Variants in PTPN4 observed in about 807,000 individuals in gnomAD.
PTPN4 encodes the protein tyrosine-protein phosphatase non-receptor type 4.
PTPN4 carries 49 observed loss-of-function variants against 135.5 expected under a neutral mutation model. The ratio of observed to expected loss-of-function variants is 0.36; its 90% CI spans 0.29 to 0.46. PTPN4 has a LOEUF of 0.46. Ranked by LOEUF, PTPN4 falls within the 20% of genes least tolerant of loss-of-function variation. The pLI is 1.00. For synonymous variants in PTPN4, 333 were observed against 369.9 expected, an observed-to-expected ratio of 0.90 and a Z score of 1.14; for missense variants, 860 against 1,101.0, an observed-to-expected ratio of 0.78 and a Z score of 3.10.
intron 2 of PTPN4, among the ~76,000 whole-genome samples, chr2:119,831,788 A>G (rs1677223491): frequency 2.6e-5 from 4 of 152,102 alleles, no homozygotes; most frequent in Admixed American, 1.3e-4. Flanking sequence ...CATGTTTTTT[A>G]TATATACTCT....
chr2:119,868,330 A>C (rs1363820624), intron 3 of PTPN4, among the ~76,000 whole-genome samples: 3 of 152,202 alleles, frequency 2.0e-5, no homozygotes, highest in Admixed American at 1.3e-4. Context: ...TTCAATACCA[A>C]ATGTTGACAA....
intron 2 of PTPN4, among the ~76,000 whole-genome samples, chr2:119,856,253 A>C (rs892643536): frequency 6.6e-6 from 1 of 152,132 alleles, no homozygotes; most frequent in Non-Finnish European, 1.5e-5. Flanking sequence ...TTTCCTCCCC[A>C]CATCTTTGAA....
At chr2:119,863,445 T>C (rs954952946) in intron 3 of PTPN4, among the ~76,000 whole-genome samples, 2 of 152,130 alleles carry the variant, frequency 1.3e-5, no homozygotes, top group Admixed American at 6.6e-5. Flanking sequence ...TTGTATACTT[T>C]TAGAAAGATT....
chr2:119,791,883 C>T (rs956704156), intron 1 of PTPN4, among the ~76,000 whole-genome samples: 1 of 152,130 alleles, frequency 6.6e-6, no homozygotes, highest in East Asian at 1.9e-4. Context: ...TGTCAGCCCC[C>T]TTTTCTGTCT....
chr2:119,793,846 G>GTTTTTTTTTTTTTTT (rs55956611), intron 1 of PTPN4, among the ~76,000 whole-genome samples: 2 of 24,800 alleles, frequency 8.1e-5, no homozygotes, highest in African/African-American at 3.7e-4. Flanking sequence ...TTCATTTTTA[G>GTTTTTTTTTTTTTTT]TTTTTTTTTT....
intron 2 of PTPN4, among the ~76,000 whole-genome samples, chr2:119,848,809 C>G (rs1677547100): frequency 1.3e-5 from 2 of 151,916 alleles, no homozygotes; most frequent in Admixed American, 6.6e-5. Flanking sequence ...CAATGTTGGT[C>G]AGGCTGGTCT....
chr2:119,961,515 G>A (rs6748108), intron 23 of PTPN4, among the ~76,000 whole-genome samples: 152,304 of 152,358 alleles, frequency 1, 76,125 homozygotes, highest in Non-Finnish European at 1. Context: ...GTTCCTCAAA[G>A]AGTTAAACGT....
intron 11 of PTPN4, among the ~76,000 whole-genome samples, chr2:119,918,480 G>C (rs538092933): frequency 6.6e-6 from 1 of 152,192 alleles, no homozygotes; most frequent in East Asian, 1.9e-4. Context: ...GAATTGAACA[G>C]ACACTTCACA....
chr2:119,966,828 C>G (rs1679452155), intron 25 of PTPN4, among the ~76,000 whole-genome samples: 1 of 152,218 alleles, frequency 6.6e-6, no homozygotes, highest in Non-Finnish European at 1.5e-5. Context: ...CTTCTGCCCT[C>G]AAAGGGCCAA....
intron 3 of PTPN4, among the ~76,000 whole-genome samples, chr2:119,866,806 G>A (rs1393529899): frequency 6.6e-6 from 1 of 152,104 alleles, no homozygotes; most frequent in African/African-American, 2.4e-5. Context: ...TTGCTAAAAT[G>A]CTTAAATCTA....
chr2:119,848,772 T>C (rs765354216), intron 2 of PTPN4, among the ~76,000 whole-genome samples: 2 of 151,900 alleles, frequency 1.3e-5, no homozygotes, highest in Non-Finnish European at 2.9e-5. Context: ...AGCTAGTTTT[T>C]GTATTTTTAG....
intron 3 of PTPN4, among the ~76,000 whole-genome samples, chr2:119,863,090 A>G (rs1304944256): frequency 6.6e-6 from 1 of 152,104 alleles, no homozygotes. Flanking sequence ...GACCCTCACA[A>G]ATAAGATAGA....
chr2:119,929,785 T>C (rs1678876713), intron 13 of PTPN4, among the ~76,000 whole-genome samples: 1 of 152,158 alleles, frequency 6.6e-6, no homozygotes, highest in Non-Finnish European at 1.5e-5. Context: ...TGTCCAGCCA[T>C]GTTTAGTCCA....
chr2:119,882,547 C>G lies in PTPN4; in HGVS notation c.511C>G (p.Leu171Val), dbSNP rs762535104. The change falls in exon 8 of 27, where the codon CTC becomes GTC. Residue 171 changes from leucine to valine, a missense_variant. Coordinates refer to ENST00000263708, the MANE Select transcript of PTPN4 (RefSeq NM_002830.4). ...YDQSENLSGY[L>V]SDYSFIPNQP... ...TCAGTCAGAGAACTTGTCAGGCTACCTCTCAGATTATTCTTTCATTCCTAA... is the reference window on the plus strand; with the variant it reads ...TCAGTCAGAGAACTTGTCAGGCTACGTCTCAGATTATTCTTTCATTCCTAA... 3.2e-6 allele frequency: 5 copies of G among 1,552,014 alleles called. No individual in the cohort carries two copies. The South Asian group carries it at 6.0e-5, about 19-fold the overall frequency.
At chr2:119,887,176 A>G (rs1229045481) in intron 9 of PTPN4, among the ~76,000 whole-genome samples, 1 of 152,216 alleles carries the variant, frequency 6.6e-6, no homozygotes, top group Non-Finnish European at 1.5e-5. Flanking sequence ...CTTTAAATAT[A>G]TGAATTAAAC....
intron 2 of PTPN4, among the ~76,000 whole-genome samples, chr2:119,813,545 T>G (rs1161275968): frequency 6.6e-6 from 1 of 151,140 alleles, no homozygotes; most frequent in Non-Finnish European, 1.5e-5. Flanking sequence ...CTGTGCCCGG[T>G]CACAGTGGCT....
At chr2:119,945,612 AAAAAT>A (rs1679121788) in intron 16 of PTPN4, among the ~76,000 whole-genome samples, 1 of 19,192 alleles carries the variant, frequency 5.2e-5, no homozygotes, top group South Asian at 1.5e-3. Context: ...AATAAAAATT[AAAAAT>A]AAAAATAACA....
Position 119,782,325 on chromosome 2 carries a change from A to C in PTPN4, c.-18+21941A>C, listed in dbSNP as rs111697407. Among the ~76,000 whole-genome samples the C allele has an allele frequency of 4.9e-3, 745 of 152,264 alleles. 2 individuals carry two copies. Among genetic ancestry groups the C allele is most frequent in the Middle Eastern group, 0.024 (7 of 294 alleles). On this transcript the variant is annotated intron_variant, in intron 1 of 26. Transcript: ENST00000263708. Reference sequence around the variant, plus strand: ...TCCCAGATACTCAGGAGGCTGAGGCAGGAGAATTGCTTGAACCTGGGAGGC... The same window carrying C: ...TCCCAGATACTCAGGAGGCTGAGGCCGGAGAATTGCTTGAACCTGGGAGGC...
chr2:119,869,211 A>G (rs541556312), intron 3 of PTPN4, among the ~76,000 whole-genome samples: 3 of 152,374 alleles, frequency 2.0e-5, no homozygotes, highest in South Asian at 4.1e-4. Context: ...AGTGACCAAA[A>G]GCAGATCAGT....
Sources: gnomAD v4.1 joint callset for allele counts (sites outside exome capture counted in the v4.1 genomes callset) on GRCh38, gnomAD v4.1.1 for gene constraint, MANE v1.5 for transcripts, NCBI Gene and HGNC (gene_info 2026-07-23, HGNC 2026-07-21) for gene names.